The following EDIL3 variants were observed in gnomAD, a reference collection of about 807,000 sequenced individuals.
EDIL3 encodes EGF-like repeat and discoidin I-like domain-containing protein 3.
In EDIL3, 37 loss-of-function variants were observed where a neutral mutation model predicts 67.4. The ratio of observed to expected loss-of-function variants is 0.55; its 90% CI spans 0.42 to 0.72. The LOEUF (loss-of-function observed/expected upper bound fraction) is 0.72, where lower values mean the gene tolerates loss of function less well. Among genes scored for constraint, EDIL3 ranks in the 30% least tolerant of loss-of-function variants. EDIL3 has a pLI of 0.00. For synonymous variants in EDIL3, 195 were observed against 196.3 expected, an observed-to-expected ratio of 0.99 and a Z score of 0.05; for missense variants, 527 against 586.3, an observed-to-expected ratio of 0.90 and a Z score of 1.04.
At chr5:83,950,308 T>C (rs748578507) in intron 10 of EDIL3, among the ~76,000 whole-genome samples, 10 of 151,842 alleles carry the variant, frequency 6.6e-5, no homozygotes, top group Non-Finnish European at 1.0e-4. Flanking sequence ...ACTGTGAATG[T>C]GCAATTGATG....
At chr5:84,362,951 GT>G (rs1423761685) in intron 1 of EDIL3, among the ~76,000 whole-genome samples, 1 of 151,740 alleles carries the variant, frequency 6.6e-6, no homozygotes, top group Non-Finnish European at 1.5e-5. Context: ...ACAATTTTAT[GT>G]TTTTGTTTTT....
chr5:84,070,069 T>C (rs1330541856), intron 6 of EDIL3, among the ~76,000 whole-genome samples: 1 of 152,018 alleles, frequency 6.6e-6, no homozygotes, highest in African/African-American at 2.4e-5. Flanking sequence ...GTCCTGCCGC[T>C]GAGCAGCCCA....
intron 6 of EDIL3, among the ~76,000 whole-genome samples, chr5:84,071,519 T>C (rs958465934): frequency 2.6e-5 from 4 of 152,168 alleles, no homozygotes; most frequent in Non-Finnish European, 5.9e-5. Flanking sequence ...TTGGTGATAC[T>C]GGATAATTGG....
intron 2 of EDIL3, among the ~76,000 whole-genome samples, chr5:84,242,429 G>A (rs1352514556): frequency 6.6e-6 from 1 of 152,134 alleles, no homozygotes; most frequent in Non-Finnish European, 1.5e-5. Context: ...TTGAAAGAAT[G>A]TGTTCCTTCA....
chr5:84,382,868 C>T (rs1175082454), intron 1 of EDIL3, among the ~76,000 whole-genome samples: 1 of 152,130 alleles, frequency 6.6e-6, no homozygotes, highest in African/African-American at 2.4e-5. Context: ...GGGAAAATAA[C>T]CACATTCTGG....
At chr5:84,168,016 T>C (rs1016014829) in intron 4 of EDIL3, among the ~76,000 whole-genome samples, 6 of 152,216 alleles carry the variant, frequency 3.9e-5, no homozygotes, top group African/African-American at 1.4e-4. Context: ...GATTAAAATC[T>C]CCTGAATATC....
At chr5:84,143,261 G>C (rs1293776187) in intron 4 of EDIL3, among the ~76,000 whole-genome samples, 1 of 151,908 alleles carries the variant, frequency 6.6e-6, no homozygotes, top group Non-Finnish European at 1.5e-5. Context: ...TTCTGTTCTT[G>C]AACTCCCTTT....
At chr5:84,166,401 G>A (rs1580357323) in intron 4 of EDIL3, among the ~76,000 whole-genome samples, 1 of 152,200 alleles carries the variant, frequency 6.6e-6, no homozygotes, top group African/African-American at 2.4e-5. Flanking sequence ...CTTTTTCAAA[G>A]CCCAATATCA....
intron 9 of EDIL3, among the ~76,000 whole-genome samples, chr5:84,053,997 C>T (rs1274647972): frequency 6.6e-6 from 1 of 152,060 alleles, no homozygotes; most frequent in East Asian, 1.9e-4. Context: ...CTGGCAGAGA[C>T]ACAACAAAAA....
chr5:84,155,912 CTACT>C (rs1195086747), intron 4 of EDIL3, among the ~76,000 whole-genome samples: 3 of 152,034 alleles, frequency 2.0e-5, no homozygotes, highest in African/African-American at 7.2e-5. Context: ...CCTTGATTGC[CTACT>C]TACACGAATG....
chr5:84,164,537 CA>C (rs1395189924), intron 4 of EDIL3, among the ~76,000 whole-genome samples: 1 of 152,022 alleles, frequency 6.6e-6, no homozygotes, highest in East Asian at 1.9e-4. Context: ...TAAATAACCC[CA>C]ACTGGTCAAG....
At chr5:84,108,837 G>A (rs1747508350) in intron 5 of EDIL3, among the ~76,000 whole-genome samples, 1 of 152,176 alleles carries the variant, frequency 6.6e-6, no homozygotes, top group Non-Finnish European at 1.5e-5. Context: ...AGGCCAGTAA[G>A]TAGACTAGCA....
At chr5:84,197,657 CA>C (rs748976010) in intron 3 of EDIL3, among the ~76,000 whole-genome samples, 384 of 121,482 alleles carry the variant, frequency 3.2e-3, no homozygotes, top group African/African-American at 7.6e-3. Flanking sequence ...AACTACATCT[CA>C]AAAAAAAAAA....
chr5:84,009,222 T>A (rs1745477421), intron 9 of EDIL3, among the ~76,000 whole-genome samples: 1 of 152,236 alleles, frequency 6.6e-6, no homozygotes, highest in South Asian at 2.1e-4. Context: ...ACAGCCACTT[T>A]CTTTATAAAA....
At chr5:84,319,105 A>T (rs776378632) in intron 1 of EDIL3, among the ~76,000 whole-genome samples, 16 of 152,090 alleles carry the variant, frequency 1.1e-4, no homozygotes, top group Non-Finnish European at 2.2e-4. Flanking sequence ...ACAATGAGAT[A>T]CTATCTCACA....
At chr5:84,011,788 C>G (rs1745521516) in intron 9 of EDIL3, among the ~76,000 whole-genome samples, 1 of 152,126 alleles carries the variant, frequency 6.6e-6, no homozygotes, top group Non-Finnish European at 1.5e-5. Flanking sequence ...CTTGCTTTCT[C>G]ACTTTATTCA....
intron 6 of EDIL3, among the ~76,000 whole-genome samples, chr5:84,102,379 T>C (rs190631442): frequency 2.0e-5 from 3 of 151,970 alleles, no homozygotes; most frequent in Non-Finnish European, 4.4e-5. Context: ...AGCCAAAGTA[T>C]CCCTGTTTGC....
intron 1 of EDIL3, among the ~76,000 whole-genome samples, chr5:84,342,714 C>T (rs1489811627): frequency 6.6e-6 from 1 of 151,906 alleles, no homozygotes; most frequent in Admixed American, 6.6e-5. Flanking sequence ...GAATTGATTA[C>T]TTTTCTTTGA....
chr5:83,950,867 A>G (rs948150427), intron 10 of EDIL3, among the ~76,000 whole-genome samples: 2 of 151,768 alleles, frequency 1.3e-5, no homozygotes, highest in African/African-American at 4.8e-5. Context: ...TTCTTTTGAA[A>G]TCCCTTAAGA....
Sources: allele counts gnomAD v4.1 joint callset (sites outside exome capture counted in the v4.1 genomes callset), GRCh38; gene constraint gnomAD v4.1.1; transcripts MANE v1.5; gene names NCBI Gene and HGNC (gene_info 2026-07-23, HGNC 2026-07-21).